The following PRKCA variants were observed in gnomAD, a reference collection of about 807,000 sequenced individuals.
The protein encoded by PRKCA is protein kinase C alpha, also known as protein kinase C alpha type.
In PRKCA, 27 loss-of-function variants were observed where a neutral mutation model predicts 87.0. The observed-to-expected ratio is 0.31, with a 90% CI of 0.23 to 0.43. The LOEUF (loss-of-function observed/expected upper bound fraction) is 0.43, where lower values mean the gene tolerates loss of function less well. Among genes scored for constraint, PRKCA ranks in the 20% least tolerant of loss-of-function variants. PRKCA has a pLI of 1.00. For synonymous variants in PRKCA, 329 were observed against 311.1 expected (o/e 1.06, Z -0.61); for missense variants, 518 against 852.3 (o/e 0.61, Z 4.88).
At chr17:66,618,571 G>A (rs557430265) in intron 3 of PRKCA, among the ~76,000 whole-genome samples, 5 of 152,026 alleles carry the variant, frequency 3.3e-5, no homozygotes, top group Non-Finnish European at 7.4e-5. Context: ...TTACTACCAG[G>A]TACAGTTTTG....
intron 3 of PRKCA, among the ~76,000 whole-genome samples, chr17:66,565,909 G>C (rs1968875421): frequency 6.6e-6 from 1 of 152,054 alleles, no homozygotes; most frequent in East Asian, 1.9e-4. Flanking sequence ...AATCAAAGTT[G>C]ACTACCACAG....
intron 3 of PRKCA, among the ~76,000 whole-genome samples, chr17:66,592,663 T>C (rs1363880855): frequency 6.6e-6 from 1 of 152,240 alleles, no homozygotes; most frequent in Non-Finnish European, 1.5e-5. Flanking sequence ...CCTTCTAGGC[T>C]GCTAGTCAGT....
At chr17:66,794,011 G>A (rs1975606622) in intron 16 of PRKCA, among the ~76,000 whole-genome samples, 1 of 152,184 alleles carries the variant, frequency 6.6e-6, no homozygotes, top group Non-Finnish European at 1.5e-5. Flanking sequence ...AAGGTTAATT[G>A]ATTTTTCTTT....
At chr17:66,749,487 A>G (rs1290575751) in intron 13 of PRKCA, among the ~76,000 whole-genome samples, 1 of 152,180 alleles carries the variant, frequency 6.6e-6, no homozygotes, top group Non-Finnish European at 1.5e-5. Flanking sequence ...GCAAACCTCC[A>G]GTCCCATCCA....
intron 3 of PRKCA, chr17:66,554,638 A>G: frequency 3.0e-6 from 2 of 676,852 alleles, no homozygotes; most frequent in Non-Finnish European, 3.7e-6. Context: ...GCACTAGCAA[A>G]TAAATTAAAT....
At chr17:66,574,952 A>G (rs1969189983) in intron 3 of PRKCA, among the ~76,000 whole-genome samples, 1 of 152,202 alleles carries the variant, frequency 6.6e-6, no homozygotes, top group African/African-American at 2.4e-5. Context: ...CATACTGTTG[A>G]TGTTAGCAAT....
intron 8 of PRKCA, among the ~76,000 whole-genome samples, chr17:66,698,671 G>A (rs1376756021): frequency 1.3e-5 from 2 of 151,998 alleles, no homozygotes; most frequent in Non-Finnish European, 2.9e-5. Context: ...GGGGAAGAAA[G>A]CTTATATAAA....
rs181497098 is a variant in PRKCA at position 66,677,944 on chromosome 17, T to C, written c.530-9167T>C. 9.8e-5 allele frequency among the ~76,000 whole-genome samples: 15 copies of C among 152,294 alleles called. No individual in the cohort carries two copies. The East Asian group carries it at 2.7e-3, about 27-fold the overall frequency. The stretch of plus-strand genomic sequence containing the variant: ...CACCACCACTGTCTAACCCAGAACA[T>C]TGTCATCACTTCAAGAAGAAATTCC... On this transcript the variant is annotated intron_variant, in intron 5 of 16. Transcript: ENST00000413366.
chr17:66,735,655 A>T lies in PRKCA; in HGVS notation c.1223A>T (p.Gln408Leu). 1 of 1,613,884 alleles carries T rather than the reference A, an allele frequency of 6.2e-7. No homozygotes were observed. The highest frequency in any genetic ancestry group is 1.7e-5 in the Admixed American group (1 of 60,004). The change falls in exon 10 of 17, where the codon CAG becomes CTG. Residue 408 changes from glutamine to leucine, a missense_variant. Gln to Leu is a moderately radical substitution (Grantham distance 113, BLOSUM62 -2). This residue lies in a region of PRKCA where 300 missense variants were observed against 496.8 expected (regional missense o/e 0.60). Transcript: ENST00000413366. ...TTGACGCAGCTGCACTCCTGCTTCC[A>T]GACAGTGGTAAGGACCCTGGGAATC... ...PFLTQLHSCFQTVDRLYFVME... is the reference protein window; with the variant it reads ...PFLTQLHSCFLTVDRLYFVME...
chr17:66,345,568 C>T (rs932211948), intron 2 of PRKCA, among the ~76,000 whole-genome samples: 1 of 152,146 alleles, frequency 6.6e-6, no homozygotes, highest in Non-Finnish European at 1.5e-5. Flanking sequence ...AGCTGGCTTT[C>T]CTGGAGCTCC....
At chr17:66,701,817 A>G (rs1973071411) in intron 8 of PRKCA, among the ~76,000 whole-genome samples, 1 of 152,124 alleles carries the variant, frequency 6.6e-6, no homozygotes, top group African/African-American at 2.4e-5. Flanking sequence ...AAGTCAAAAG[A>G]TAAGTGTTAT....
At chr17:66,706,256 C>T (rs1973189195) in intron 8 of PRKCA, among the ~76,000 whole-genome samples, 1 of 152,210 alleles carries the variant, frequency 6.6e-6, no homozygotes, top group Non-Finnish European at 1.5e-5. Context: ...TCATCACCCC[C>T]AGTACCCATA....
At position 66,445,663 on chromosome 17, in the gene PRKCA, C is replaced by T. The variant is rs373438369; in HGVS notation, c.206-50538C>T. On this transcript the variant is annotated intron_variant, in intron 2 of 16. Coordinates refer to ENST00000413366, the MANE Select transcript of PRKCA (RefSeq NM_002737.3). ...AGCCCTTACGGCCTTGCTGTGTGTC[C>T]TGGGCTGTGAACAGTGCAGAAGTCC... is the stretch of plus-strand genomic sequence containing the variant. 2.0e-4 allele frequency among the ~76,000 whole-genome samples: 30 copies of T among 152,310 alleles called. No homozygotes were observed. In the East Asian group the frequency reaches 5.0e-3, roughly 25 times the overall value.
At chr17:66,717,629 C>T (rs565924337) in intron 8 of PRKCA, among the ~76,000 whole-genome samples, 36 of 152,324 alleles carry the variant, frequency 2.4e-4, no homozygotes, top group Non-Finnish European at 3.1e-4. Flanking sequence ...CACAGGGAAA[C>T]GTACGGGATG....
At chr17:66,674,392 G>A (rs1285075264) in intron 5 of PRKCA, among the ~76,000 whole-genome samples, 1 of 152,228 alleles carries the variant, frequency 6.6e-6, no homozygotes, top group African/African-American at 2.4e-5. Flanking sequence ...CTCAGTTCAC[G>A]CATGGTGCTG....
At chr17:66,447,477 C>T (rs1303994443) in intron 2 of PRKCA, among the ~76,000 whole-genome samples, 3 of 152,122 alleles carry the variant, frequency 2.0e-5, no homozygotes, top group African/African-American at 7.2e-5. Flanking sequence ...CTTGGACCAT[C>T]GGTTCAGTAA....
In PRKCA at chr17:66,592,343, C is replaced by CAAA. The variant is rs71160581; in HGVS notation, c.289-48996_289-48994dup. On this transcript the variant is annotated intron_variant, in intron 3 of 16. Coordinates refer to ENST00000413366, the MANE Select transcript of PRKCA (RefSeq NM_002737.3). ...GCACTCCAGTCTGGGTGATCCGTCTCAAAAAAAAAAAAAAAAAAGTTACCA... is the reference window on the plus strand; with the variant it reads ...GCACTCCAGTCTGGGTGATCCGTCTCAAAAAAAAAAAAAAAAAAAAAGTTACCA... Among the ~76,000 whole-genome samples the CAAA allele has an allele frequency of 5.2e-4, 43 of 82,356 alleles. 3 individuals carry two copies. Among genetic ancestry groups the CAAA allele is most frequent in the Admixed American group, 1.7e-3 (12 of 7,004 alleles). The allele number at this position is 82,356 out of a possible 152,430, so 54.0% of individuals were successfully genotyped here.
chr17:66,584,398 T>C lies in PRKCA; in HGVS notation c.289-56957T>C, dbSNP rs143969524. ...CACCATGCCCAGCTGATTTTTGTAT[T>C]TTTTTTTAGTAGAGACAGGGTTTCA... On this transcript the variant is annotated intron_variant, in intron 3 of 16. Transcript: ENST00000413366. Among the ~76,000 whole-genome samples, 689 of 151,522 alleles carry C rather than the reference T, an allele frequency of 4.5e-3. 5 individuals carry two copies. Among genetic ancestry groups the C allele is most frequent in the African/African-American group, 0.016 (658 of 41,374 alleles).
intron 3 of PRKCA, among the ~76,000 whole-genome samples, chr17:66,594,678 G>A (rs567350985): frequency 6.6e-6 from 1 of 152,126 alleles, no homozygotes; most frequent in African/African-American, 2.4e-5. Context: ...CCAAGAAAAT[G>A]ACTTCCCAGT....
Sources: allele counts gnomAD v4.1 joint callset (sites outside exome capture counted in the v4.1 genomes callset), GRCh38; gene constraint gnomAD v4.1.1; regional missense constraint gnomAD v4.1.1; transcripts MANE v1.5; gene names NCBI Gene and HGNC (gene_info 2026-07-23, HGNC 2026-07-21).